Variants in LRFN2 observed in about 807,000 individuals in gnomAD.
LRFN2 encodes leucine rich repeat and fibronectin type III domain containing 2.
A neutral mutation model predicts 37.3 loss-of-function variants in LRFN2; 18 were observed. The ratio of observed to expected loss-of-function variants is 0.48; its 90% confidence interval spans 0.33 to 0.72. LRFN2 has a LOEUF of 0.72. Among genes scored for constraint, LRFN2 ranks in the 30% least tolerant of loss-of-function variants. The pLI, the probability that LRFN2 is intolerant of heterozygous loss-of-function variation, is 0.02. For synonymous variants in LRFN2, 556 were observed against 466.6 expected (o/e 1.19, Z -2.47); for missense variants, 1,006 against 1,060.7 (o/e 0.95, Z 0.72).
chr6:40,404,901 T>C (rs1440972557), intron 2 of LRFN2, among the ~76,000 whole-genome samples: 1 of 152,176 alleles, frequency 6.6e-6, no homozygotes, highest in African/African-American at 2.4e-5. Context: ...CAGCGTGCCC[T>C]CTCTGGGATT....
chr6:40,404,360 C>T (rs1339587048), intron 2 of LRFN2, among the ~76,000 whole-genome samples: 1 of 152,134 alleles, frequency 6.6e-6, no homozygotes, highest in African/African-American at 2.4e-5. Context: ...ATACTTGGCA[C>T]AGCACAGACC....
intron 1 of LRFN2, among the ~76,000 whole-genome samples, chr6:40,514,807 C>G (rs1035997834): frequency 1.3e-5 from 2 of 152,176 alleles, no homozygotes; most frequent in African/African-American, 4.8e-5. Context: ...CTCATAATAC[C>G]TATTAGCTTC....
At chr6:40,508,136 C>T (rs1015106473) in intron 1 of LRFN2, among the ~76,000 whole-genome samples, 4 of 152,210 alleles carry the variant, frequency 2.6e-5, no homozygotes, top group African/African-American at 9.6e-5. Context: ...CCTCCAAGCC[C>T]TCACCTCCAC....
At chr6:40,421,157 T>A (rs1398509815) in intron 2 of LRFN2, among the ~76,000 whole-genome samples, 1 of 152,238 alleles carries the variant, frequency 6.6e-6, no homozygotes, top group African/African-American at 2.4e-5. Flanking sequence ...ATAATGCAAT[T>A]GACCTGCTTC....
At chr6:40,544,400 A>T (rs1204543268) in intron 1 of LRFN2, among the ~76,000 whole-genome samples, 1 of 151,716 alleles carries the variant, frequency 6.6e-6, no homozygotes. Flanking sequence ...TTGTTTCCCA[A>T]CCCCTCTTCT....
intron 1 of LRFN2, among the ~76,000 whole-genome samples, chr6:40,556,460 G>GA (rs1241549927): frequency 6.6e-6 from 1 of 152,180 alleles, no homozygotes; most frequent in African/African-American, 2.4e-5. Flanking sequence ...ACAGAGGAAA[G>GA]GGAAGGGGAG....
At chr6:40,439,098 C>T (rs569317848) in intron 1 of LRFN2, among the ~76,000 whole-genome samples, 21 of 152,252 alleles carry the variant, frequency 1.4e-4, no homozygotes, top group Admixed American at 1.3e-3. Context: ...ATCAGAACCA[C>T]CTCGAGCTGT....
chr6:40,517,847 T>A (rs1765927853), intron 1 of LRFN2, among the ~76,000 whole-genome samples: 1 of 152,170 alleles, frequency 6.6e-6, no homozygotes, highest in African/African-American at 2.4e-5. Flanking sequence ...ACTCCATTAG[T>A]ACGGACAATT....
intron 2 of LRFN2, among the ~76,000 whole-genome samples, chr6:40,410,071 C>T (rs1046776303): frequency 6.6e-6 from 1 of 152,126 alleles, no homozygotes; most frequent in African/African-American, 2.4e-5. Flanking sequence ...AGCAGGAGGT[C>T]TCAGGTGGGC....
chr6:40,473,850 A>G (rs141175509), intron 1 of LRFN2, among the ~76,000 whole-genome samples: 76 of 152,204 alleles, frequency 5.0e-4, no homozygotes, highest in African/African-American at 1.8e-3. Context: ...ATTACCAGTG[A>G]GGAAACTGAG....
intron 1 of LRFN2, among the ~76,000 whole-genome samples, chr6:40,457,135 C>G (rs1764251077): frequency 6.6e-6 from 1 of 152,004 alleles, no homozygotes; most frequent in Admixed American, 6.6e-5. Context: ...TCTCTGCTCA[C>G]TAAGAATATC....
chr6:40,486,655 A>G (rs377514662), intron 1 of LRFN2, among the ~76,000 whole-genome samples: 1 of 152,148 alleles, frequency 6.6e-6, no homozygotes, highest in Non-Finnish European at 1.5e-5. Context: ...TTAATAAATC[A>G]TCTGGAAAAG....
chr6:40,440,130 G>GA (rs11399236), intron 1 of LRFN2, among the ~76,000 whole-genome samples: 17,631 of 147,266 alleles, frequency 0.12, 1,150 homozygotes, highest in African/African-American at 0.15. Context: ...CAGACAACAG[G>GA]AAAAAAAAAA....
At chr6:40,511,709 A>C (rs1196055721) in intron 1 of LRFN2, among the ~76,000 whole-genome samples, 1 of 152,172 alleles carries the variant, frequency 6.6e-6, no homozygotes, top group Non-Finnish European at 1.5e-5. Context: ...CCCCAAGGGG[A>C]TGACAGTGAG....
intron 2 of LRFN2, among the ~76,000 whole-genome samples, chr6:40,394,847 T>C (rs1762580743): frequency 6.6e-6 from 1 of 152,194 alleles, no homozygotes; most frequent in Non-Finnish European, 1.5e-5. Context: ...GCACAAGCTC[T>C]CTTCTCTTGT....
intron 2 of LRFN2, among the ~76,000 whole-genome samples, chr6:40,421,327 G>A (rs6932692): frequency 0.12 from 18,309 of 152,172 alleles, 1,187 homozygotes; most frequent in African/African-American, 0.14. Flanking sequence ...CAGCCTCAGG[G>A]GGTCCTGGAG....
intron 1 of LRFN2, among the ~76,000 whole-genome samples, chr6:40,493,488 A>G (rs544303464): frequency 1.1e-4 from 16 of 152,192 alleles, no homozygotes; most frequent in South Asian, 1.0e-3. Flanking sequence ...CACATCTTCC[A>G]TTTCAGGGCT....
chr6:40,406,734 G>A (rs1762857623), intron 2 of LRFN2, among the ~76,000 whole-genome samples: 1 of 152,212 alleles, frequency 6.6e-6, no homozygotes. Context: ...CCCAGAACAA[G>A]CCTGTTTCTT....
intron 1 of LRFN2, among the ~76,000 whole-genome samples, chr6:40,491,287 T>A (rs1466123596): frequency 6.6e-6 from 1 of 152,146 alleles, no homozygotes; most frequent in East Asian, 1.9e-4. Flanking sequence ...TTAACAATAT[T>A]CCCTGGGTGC....
Sources: gnomAD v4.1 joint callset for allele counts (sites outside exome capture counted in the v4.1 genomes callset) on GRCh38, gnomAD v4.1.1 for gene constraint, MANE v1.5 for transcripts, NCBI Gene and HGNC (gene_info 2026-07-23, HGNC 2026-07-21) for gene names.